Variants in NALF1 observed in about 807,000 individuals in gnomAD.
NALF1 encodes family with sequence similarity 155 member A.
In NALF1, 3 loss-of-function variants were observed where a neutral mutation model predicts 48.4. The observed-to-expected ratio is 0.06, with a 90% CI of 0.03 to 0.16. The LOEUF (loss-of-function observed/expected upper bound fraction) is 0.16. NALF1 is among the 10% of genes least tolerant of loss of function. The pLI is 1.00. For missense variants in NALF1, 526 were observed against 571.5 expected, an observed-to-expected ratio of 0.92 and a Z score of 0.81; for synonymous variants, 262 against 245.7, an observed-to-expected ratio of 1.07 and a Z score of -0.62.
chr13:107,201,332 C>G (rs1169971660), intron 2 of NALF1, among the ~76,000 whole-genome samples: 1 of 152,178 alleles, frequency 6.6e-6, no homozygotes, highest in African/African-American at 2.4e-5. Flanking sequence ...AAAATTCCCT[C>G]TGGGGAGGCC....
At chr13:107,716,001 G>A (rs1006987891) in intron 1 of NALF1, among the ~76,000 whole-genome samples, 4 of 152,096 alleles carry the variant, frequency 2.6e-5, no homozygotes, top group Non-Finnish European at 5.9e-5. Context: ...TGCTAAGTTC[G>A]ATGTATGGAA....
rs942812419 is a variant in NALF1, at chr13:107,479,765, A to G, written c.916-269010T>C. On this transcript the variant is annotated intron_variant, in intron 1 of 2. Transcript: ENST00000375915. ...TTAGCCTATTGTAAAACAATATTTG[A>G]GACCCATGAAATGTATGACAGACAT... 2.6e-5 allele frequency among the ~76,000 whole-genome samples: 4 copies of G among 152,318 alleles called. No individual in the cohort carries two copies. In the South Asian group the frequency reaches 6.2e-4, roughly 24 times the overall value.
At chr13:107,300,294 G>A (rs2138892074) in intron 1 of NALF1, among the ~76,000 whole-genome samples, 1 of 152,310 alleles carries the variant, frequency 6.6e-6, no homozygotes, top group Admixed American at 6.5e-5. Context: ...CAGTGAGACA[G>A]CCAGGTTTTA....
chr13:107,778,359 A>C (rs1328120999), intron 1 of NALF1, among the ~76,000 whole-genome samples: 3 of 152,236 alleles, frequency 2.0e-5, no homozygotes, highest in Non-Finnish European at 2.9e-5. Context: ...GAGGAAATCC[A>C]GAAGAGTGGA....
intron 1 of NALF1, among the ~76,000 whole-genome samples, chr13:107,484,181 A>G (rs1275975913): frequency 6.6e-6 from 1 of 152,120 alleles, no homozygotes; most frequent in Non-Finnish European, 1.5e-5. Flanking sequence ...GGTAATTGAA[A>G]TAAATAAAAA....
intron 1 of NALF1, among the ~76,000 whole-genome samples, chr13:107,368,418 C>T (rs1040437498): frequency 8.6e-5 from 13 of 151,518 alleles, no homozygotes; most frequent in African/African-American, 2.2e-4. Flanking sequence ...CAGCCTCCTG[C>T]GTAGCTGGGA....
chr13:107,201,953 G>A (rs1036809572), intron 2 of NALF1, among the ~76,000 whole-genome samples: 3 of 152,206 alleles, frequency 2.0e-5, no homozygotes, highest in Middle Eastern at 3.4e-3. Flanking sequence ...GCCTGGGTTC[G>A]TCACTCTTTT....
rs143835507 is a variant in NALF1 at position 107,629,415 on chromosome 13, T to C, written c.915+236267A>G. On this transcript the variant is annotated intron_variant, in intron 1 of 2. Coordinates refer to ENST00000375915, the MANE Select transcript of NALF1 (RefSeq NM_001080396.3). Reference sequence around the variant, plus strand: ...GGCATGGAATCATATATCTGAAAACTGAGACTGAGATTTTTGGCAATTTTC... The same window carrying C: ...GGCATGGAATCATATATCTGAAAACCGAGACTGAGATTTTTGGCAATTTTC... Among the ~76,000 whole-genome samples, 1,227 of 152,316 alleles carry C rather than the reference T, an allele frequency of 8.1e-3. 14 individuals carry two copies. The highest frequency in any genetic ancestry group is 0.028 in the African/African-American group (1,154 of 41,578).
At chr13:107,728,494 G>A (rs1343047269) in intron 1 of NALF1, among the ~76,000 whole-genome samples, 4 of 151,404 alleles carry the variant, frequency 2.6e-5, no homozygotes, top group Non-Finnish European at 5.9e-5. Context: ...AGAACATGTG[G>A]ACACAGGGAG....
chr13:107,400,271 G>T (rs1173242345), intron 1 of NALF1, among the ~76,000 whole-genome samples: 1 of 152,214 alleles, frequency 6.6e-6, no homozygotes, highest in South Asian at 2.1e-4. Flanking sequence ...AAAATAGTAG[G>T]TGATTAACTT....
intron 1 of NALF1, among the ~76,000 whole-genome samples, chr13:107,329,607 C>T (rs1249285392): frequency 2.0e-5 from 3 of 151,238 alleles, no homozygotes; most frequent in South Asian, 2.1e-4. Flanking sequence ...CCCAGTAACT[C>T]GTCATTTAAC....
At chr13:107,602,116 A>G (rs1298014693) in intron 1 of NALF1, among the ~76,000 whole-genome samples, 1 of 152,176 alleles carries the variant, frequency 6.6e-6, no homozygotes, top group African/African-American at 2.4e-5. Context: ...TTTCAATCAG[A>G]AGATCTATGT....
intron 1 of NALF1, among the ~76,000 whole-genome samples, chr13:107,777,122 A>G (rs528958182): frequency 5.0e-4 from 76 of 152,266 alleles, no homozygotes; most frequent in African/African-American, 1.8e-3. Context: ...AACTGGTAAC[A>G]TTTACTGATA....
rs1878701949 is a variant in NALF1, at chr13:107,167,984, T to C, written c.*2513A>G. 6.6e-6 allele frequency: 1 copy of C among 152,222 alleles called. No individual in the cohort carries two copies. The highest frequency in any genetic ancestry group is 6.5e-5 in the Admixed American group (1 of 15,286). 9.4% of individuals were successfully genotyped at this position (152,222 alleles called of 1,614,324 possible). On this transcript the variant is annotated 3_prime_UTR_variant, in exon 3 of 3. Coordinates refer to ENST00000375915, the MANE Select transcript of NALF1 (RefSeq NM_001080396.3). ...GCTTTTCGTCATTTTGCTAAGTGTTTAGAAAGAATAATTTATTGTCATACC... is the reference window on the plus strand; with the variant it reads ...GCTTTTCGTCATTTTGCTAAGTGTTCAGAAAGAATAATTTATTGTCATACC...
intron 1 of NALF1, among the ~76,000 whole-genome samples, chr13:107,513,354 G>C (rs180946986): frequency 2.6e-5 from 4 of 152,136 alleles, no homozygotes; most frequent in African/African-American, 9.7e-5. Flanking sequence ...TTGCCTTAGC[G>C]ATCTATTTTT....
intron 1 of NALF1, among the ~76,000 whole-genome samples, chr13:107,467,387 A>C (rs1335683580): frequency 6.6e-6 from 1 of 152,190 alleles, no homozygotes; most frequent in Non-Finnish European, 1.5e-5. Flanking sequence ...AATTAACCTT[A>C]ATTTCATGGT....
Position 107,614,899 on chromosome 13 carries a change from C to T in NALF1, c.915+250783G>A, listed in dbSNP as rs550087897. ...TCAAGTGATTCTCCTGCCTCAGCTT[C>T]CTGAGTAGCTGGGATTACAGGCACC... is the stretch of plus-strand genomic sequence containing the variant. On this transcript the variant is annotated intron_variant, in intron 1 of 2. Coordinates refer to ENST00000375915, the MANE Select transcript of NALF1 (RefSeq NM_001080396.3). Among the ~76,000 whole-genome samples the T allele has an allele frequency of 3.1e-3, 468 of 152,120 alleles. 2 individuals are homozygous for T. The highest frequency in any genetic ancestry group is 0.011 in the African/African-American group (451 of 41,488).
intron 1 of NALF1, among the ~76,000 whole-genome samples, chr13:107,607,481 T>C (rs936695401): frequency 2.0e-5 from 3 of 152,178 alleles, no homozygotes; most frequent in Non-Finnish European, 4.4e-5. Flanking sequence ...TCTTCGAAAC[T>C]AGTAGTAAAT....
intron 1 of NALF1, among the ~76,000 whole-genome samples, chr13:107,222,578 G>A (rs1449731302): frequency 1.3e-5 from 2 of 152,198 alleles, no homozygotes; most frequent in Non-Finnish European, 2.9e-5. Context: ...CCGCTTAGGA[G>A]AAGCCCGACT....
Sources: allele counts gnomAD v4.1 joint callset (sites outside exome capture counted in the v4.1 genomes callset), GRCh38; gene constraint gnomAD v4.1.1; transcripts MANE v1.5; gene names NCBI Gene and HGNC (gene_info 2026-07-23, HGNC 2026-07-21).